Variants in PINX1 observed in about 807,000 individuals in gnomAD.
PINX1 encodes the protein PIN2/TERF1-interacting telomerase inhibitor 1.
Under a neutral mutation model 25.4 loss-of-function variants are expected in PINX1, and 34 were observed. The ratio of observed to expected loss-of-function variants is 1.34; its 90% CI spans 1.02 to 1.78. The LOEUF is 1.78. Among genes scored for constraint, PINX1 ranks in the 40% most tolerant of loss-of-function variants. The probability of loss-of-function intolerance (pLI) is 0.00; values close to 1 mark genes in which losing one functional copy is unlikely to be tolerated. For missense variants in PINX1, 592 were observed against 404.9 expected (o/e 1.46, Z -3.97); for synonymous variants, 197 against 147.7 (o/e 1.33, Z -2.42).
intron 6 of PINX1, among the ~76,000 whole-genome samples, chr8:10,783,725 TA>T (rs1353241260): frequency 6.6e-6 from 1 of 152,150 alleles, no homozygotes; most frequent in African/African-American, 2.4e-5. Flanking sequence ...ACATCTGAGT[TA>T]AGTAGGAAAA....
At position 10,799,887 on chromosome 8, in the gene PINX1, T is replaced by A. The variant is rs147756502; in HGVS notation, c.471+20306A>T. On this transcript the variant is annotated intron_variant, in intron 6 of 6. Transcript: ENST00000314787. ...CAACAAAGCTGAATAGGGAACATGTTCTCAACCACGGTCTGAGTTAGTCCT... is the reference window on the plus strand; with the variant it reads ...CAACAAAGCTGAATAGGGAACATGTACTCAACCACGGTCTGAGTTAGTCCT... Among the ~76,000 whole-genome samples the A allele has an allele frequency of 2.4e-3, 362 of 152,324 alleles. 2 individuals are homozygous for A. Among genetic ancestry groups the A allele is most frequent in the African/African-American group, 8.5e-3 (353 of 41,576 alleles).
In PINX1 at chr8:10,765,840, G is replaced by A. The variant is rs746646257; in HGVS notation, c.548C>T (p.Ala183Val). The change falls in exon 7 of 7, where the codon GCC becomes GTC. Residue 183 changes from alanine to valine, a missense_variant. By Grantham distance (64) the Ala-to-Val change is moderately conservative. Transcript: ENST00000314787. ...TSAFTIQEYF[A>V]KRMAALKNKP... is the part of the protein sequence containing the mutation. The stretch of plus-strand genomic sequence containing the variant: ...GTTCTTCAGTGCTGCCATCCGCTTG[G>A]CAAAGTACTCCTGGATGGTGAAGGC... The A allele has an allele frequency of 1.2e-6, 2 of 1,613,920 alleles. No individual in the cohort carries two copies. Among genetic ancestry groups the A allele is most frequent in the Non-Finnish European group, 1.7e-6 (2 of 1,179,876 alleles).
rs531113493 is a variant in PINX1 at position 10,826,285 on chromosome 8, T to C, written c.302-41A>G. The C allele has an allele frequency of 2.1e-4, 235 of 1,106,742 alleles. 3 individuals are homozygous for C. The South Asian group carries it at 3.2e-3, about 15-fold the overall frequency. 68.6% of individuals were successfully genotyped at this position (1,106,742 alleles called of 1,614,324 possible). ...AAAAAATACATTAAAGTCTTTCTAA[T>C]CCAATCTCATTTATTCTCCTAACAG... is the stretch of plus-strand genomic sequence containing the variant. On this transcript the variant is annotated intron_variant, in intron 4 of 6. Coordinates refer to ENST00000314787, the MANE Select transcript of PINX1 (RefSeq NM_017884.6).
chr8:10,810,069 G>C (rs543197293), intron 6 of PINX1, among the ~76,000 whole-genome samples: 1 of 152,140 alleles, frequency 6.6e-6, no homozygotes, highest in African/African-American at 2.4e-5. Context: ...ACCAGGTCTC[G>C]TGTGAACTCA....
intron 6 of PINX1, among the ~76,000 whole-genome samples, chr8:10,796,264 C>T (rs542919314): frequency 6.6e-6 from 1 of 152,276 alleles, no homozygotes; most frequent in East Asian, 1.9e-4. Flanking sequence ...AAAAGAACTT[C>T]CATCTGAAGT....
At chr8:10,783,571 C>A (rs1801658947) in intron 6 of PINX1, among the ~76,000 whole-genome samples, 1 of 152,170 alleles carries the variant, frequency 6.6e-6, no homozygotes, top group South Asian at 2.1e-4. Flanking sequence ...TCACATATGC[C>A]CCCAGTCCTC....
chr8:10,837,918 G>C (rs1273582489), intron 1 of PINX1, among the ~76,000 whole-genome samples: 1 of 152,208 alleles, frequency 6.6e-6, no homozygotes, highest in South Asian at 2.1e-4. Context: ...TGCAACCTAC[G>C]TTAGAACTTA....
At chr8:10,831,542 G>A in intron 4 of PINX1, 123 bp downstream of exon 4, 1 of 683,400 alleles carries the variant, frequency 1.5e-6, no homozygotes, top group Admixed American at 2.1e-5. Context: ...CACAGGTATT[G>A]ACATATCACA....
At chr8:10,828,968 A>T (rs1284513255) in intron 4 of PINX1, among the ~76,000 whole-genome samples, 1 of 152,174 alleles carries the variant, frequency 6.6e-6, no homozygotes, top group African/African-American at 2.4e-5. Flanking sequence ...TGTATAACAG[A>T]TCTGCTAATT....
chr8:10,786,851 C>T (rs548843349), intron 6 of PINX1, among the ~76,000 whole-genome samples: 4 of 152,320 alleles, frequency 2.6e-5, no homozygotes, highest in South Asian at 4.1e-4. Flanking sequence ...CGCCTCTCCC[C>T]AGACAGCCCT....
chr8:10,781,810 T>C (rs1406999856), intron 6 of PINX1, among the ~76,000 whole-genome samples: 1 of 152,188 alleles, frequency 6.6e-6, no homozygotes, highest in Non-Finnish European at 1.5e-5. Flanking sequence ...ACAATTACTG[T>C]ATAGCCCAGC....
chr8:10,782,758 C>T (rs1281017779), intron 6 of PINX1, among the ~76,000 whole-genome samples: 1 of 149,444 alleles, frequency 6.7e-6, no homozygotes, highest in African/African-American at 2.6e-5. Flanking sequence ...ACTCAGGAGC[C>T]AGACTCCCAC....
intron 5 of PINX1, among the ~76,000 whole-genome samples, chr8:10,823,334 C>G (rs1250391943): frequency 6.6e-6 from 1 of 152,170 alleles, no homozygotes; most frequent in African/African-American, 2.4e-5. Context: ...CAGGATAAAG[C>G]TGCACAATTA....
chr8:10,821,096 G>GT (rs1484086724), intron 5 of PINX1, among the ~76,000 whole-genome samples: 1 of 152,246 alleles, frequency 6.6e-6, no homozygotes, highest in African/African-American at 2.4e-5. Context: ...ATTTTAAAAT[G>GT]TAACTACTCC....
At chr8:10,803,830 G>A (rs1242124307) in intron 6 of PINX1, among the ~76,000 whole-genome samples, 1 of 152,188 alleles carries the variant, frequency 6.6e-6, no homozygotes, top group African/African-American at 2.4e-5. Flanking sequence ...AGTGAATTTT[G>A]TATAACTCTT....
At chr8:10,790,949 G>T (rs1469302568) in intron 6 of PINX1, among the ~76,000 whole-genome samples, 1 of 151,888 alleles carries the variant, frequency 6.6e-6, no homozygotes, top group Non-Finnish European at 1.5e-5. Flanking sequence ...GTATCCCACC[G>T]TTGCCTCGGC....
chr8:10,806,813 T>C (rs182649408), intron 6 of PINX1, among the ~76,000 whole-genome samples: 180 of 152,118 alleles, frequency 1.2e-3, no homozygotes, highest in Middle Eastern at 3.4e-3. Flanking sequence ...CCAGGGCATG[T>C]AGGAGGACCT....
chr8:10,824,940 C>G (rs1797991045), intron 5 of PINX1, among the ~76,000 whole-genome samples: 2 of 152,166 alleles, frequency 1.3e-5, no homozygotes, highest in Admixed American at 1.3e-4. Flanking sequence ...GTATTCTGTT[C>G]CATAGCACGC....
chr8:10,800,680 G>A (rs1302226263), intron 6 of PINX1, among the ~76,000 whole-genome samples: 3 of 152,118 alleles, frequency 2.0e-5, no homozygotes, highest in South Asian at 2.1e-4. Flanking sequence ...ACATTGGCCA[G>A]GCTGGTCTTG....
Sources: gnomAD v4.1 joint callset for allele counts (sites outside exome capture counted in the v4.1 genomes callset) on GRCh38, gnomAD v4.1.1 for gene constraint, MANE v1.5 for transcripts, NCBI Gene and HGNC (gene_info 2026-07-23, HGNC 2026-07-21) for gene names.